Variants in MICU2 observed in about 807,000 individuals in gnomAD.
MICU2 encodes calcium uptake protein 2, mitochondrial.
In MICU2, 64 loss-of-function variants were observed where a neutral mutation model predicts 60.4. The ratio of observed to expected loss-of-function variants is 1.06; its 90% CI spans 0.87 to 1.31. The LOEUF is 1.31. MICU2 is among the 50% of genes most tolerant of loss of function. The pLI is 0.00. For synonymous variants in MICU2, 201 were observed against 175.0 expected (o/e 1.15, Z -1.17); for missense variants, 569 against 531.0 (o/e 1.07, Z -0.70).
chr13:21,595,314 C>T (rs902873678), intron 1 of MICU2, among the ~76,000 whole-genome samples: 3 of 152,188 alleles, frequency 2.0e-5, no homozygotes, highest in Non-Finnish European at 4.4e-5. Context: ...AGTGACACTG[C>T]AAGACAGCAG....
intron 1 of MICU2, among the ~76,000 whole-genome samples, chr13:21,601,434 G>A (rs1157533492): frequency 1.3e-5 from 2 of 152,186 alleles, no homozygotes; most frequent in Admixed American, 1.3e-4. Context: ...TAGCAGATCA[G>A]GCAAATGCTA....
At chr13:21,531,391 A>C in intron 4 of MICU2, 1 of 1,067,322 alleles carries the variant, frequency 9.4e-7, no homozygotes, top group East Asian at 2.4e-5. Context: ...AGGAGTTTAA[A>C]ACGAGAGTGG....
At chr13:21,550,033 C>T (rs570934025) in intron 2 of MICU2, among the ~76,000 whole-genome samples, 4 of 152,290 alleles carry the variant, frequency 2.6e-5, no homozygotes, top group South Asian at 2.1e-4. Context: ...AGGGCTAGCA[C>T]TGTTTTAGTT....
At chr13:21,510,587 A>G (rs887290753) in intron 7 of MICU2, among the ~76,000 whole-genome samples, 2 of 152,180 alleles carry the variant, frequency 1.3e-5, no homozygotes, top group African/African-American at 4.8e-5. Context: ...ACATTCTTCA[A>G]TTCTTTAATA....
intron 2 of MICU2, among the ~76,000 whole-genome samples, chr13:21,559,451 T>C (rs185420083): frequency 7.9e-5 from 12 of 152,304 alleles, no homozygotes; most frequent in Admixed American, 5.2e-4. Flanking sequence ...ATGGGATTTG[T>C]ATGTCAAAAG....
In MICU2 at chr13:21,514,386, C is replaced by T; in HGVS notation, c.630G>A (p.Leu210=). The T allele has an allele frequency of 6.2e-7, 1 of 1,613,540 alleles. No individual in the cohort carries two copies. The highest frequency in any genetic ancestry group is 8.5e-7 in the Non-Finnish European group (1 of 1,179,748). ...CAGTTTCATTAGTTTTCACTGTCAT[C>T]AAGTCATCTTGTTTACTTATGATCT... The part of the protein sequence containing the change: ...LQKIISKQDD[L]MTVKTNETGY... Residue 210 remains leucine (L), a synonymous_variant, in exon 7 of 12, where the codon TTG becomes TTA. Coordinates refer to ENST00000382374, the MANE Select transcript of MICU2 (RefSeq NM_152726.3).
intron 1 of MICU2, among the ~76,000 whole-genome samples, chr13:21,567,446 G>C (rs919299253): frequency 6.6e-5 from 10 of 152,144 alleles, no homozygotes; most frequent in African/African-American, 2.2e-4. Flanking sequence ...TTACCAGAGT[G>C]ACTGAGGAAA....
At chr13:21,550,492 C>T (rs1231281553) in intron 2 of MICU2, among the ~76,000 whole-genome samples, 4 of 152,166 alleles carry the variant, frequency 2.6e-5, no homozygotes, top group Admixed American at 6.5e-5. Flanking sequence ...GAGCTATGAT[C>T]GCACCACTGC....
In MICU2 at chr13:21,522,212, T is replaced by G. The variant is rs145163647; in HGVS notation, c.514+391A>C. On this transcript the variant is annotated intron_variant, in intron 5 of 11. Transcript: ENST00000382374. ...GGATTAAATATAAGATACCATGTTG[T>G]ATTTAGCTGTCATGTCTCCTGAGTC... is the stretch of plus-strand genomic sequence containing the variant. 1.3e-3 allele frequency among the ~76,000 whole-genome samples: 192 copies of G among 152,390 alleles called. 1 individual carries two copies. Among genetic ancestry groups the G allele is most frequent in the African/African-American group, 4.3e-3 (180 of 41,598 alleles).
At chr13:21,594,618 G>A (rs551171053) in intron 1 of MICU2, among the ~76,000 whole-genome samples, 1 of 152,260 alleles carries the variant, frequency 6.6e-6, no homozygotes, top group East Asian at 1.9e-4. Context: ...GCAAAGACAT[G>A]GAACAAACCC....
chr13:21,514,059 G>A (rs893729711), intron 7 of MICU2, among the ~76,000 whole-genome samples: 1 of 152,162 alleles, frequency 6.6e-6, no homozygotes, highest in Admixed American at 6.6e-5. Flanking sequence ...ATACAGTCAT[G>A]TATTGCTGAG....
chr13:21,566,530 G>A (rs1887986228), intron 2 of MICU2, among the ~76,000 whole-genome samples: 1 of 151,164 alleles, frequency 6.6e-6, no homozygotes. Context: ...TTATAACATG[G>A]ACAAAGTAAT....
intron 1 of MICU2, among the ~76,000 whole-genome samples, chr13:21,592,322 C>T (rs528056433): frequency 1.3e-5 from 2 of 152,152 alleles, no homozygotes; most frequent in Admixed American, 6.5e-5. Context: ...AAGAAGAAGT[C>T]GAATCCTTGA....
intron 1 of MICU2, among the ~76,000 whole-genome samples, chr13:21,601,657 T>C (rs1012492137): frequency 4.0e-5 from 6 of 150,968 alleles, no homozygotes; most frequent in African/African-American, 1.2e-4. Context: ...ATTAGATGGA[T>C]AAGTGAAATC....
chr13:21,496,063 G>A lies in MICU2; in HGVS notation c.1031C>T (p.Pro344Leu), dbSNP rs776367088. The A allele has an allele frequency of 6.2e-7, 1 of 1,612,382 alleles. No homozygotes were observed. The highest frequency in any genetic ancestry group is 8.5e-7 in the Non-Finnish European group (1 of 1,179,138). ...TTCATATAACTTACCTAGTCTGACA[G>A]GACGATGAGCTAAACTGAACATCTG... is the stretch of plus-strand genomic sequence containing the variant. The part of the protein sequence containing the change: ...AMQMFSLAHR[P>L]VRLAEFKRAV... Residue 344 changes from proline (P) to leucine (L), a missense_variant, in exon 10 of 12, where the codon CCT becomes CTT. Physicochemically the swap from Pro to Leu is moderately conservative, Grantham distance 98. Coordinates refer to ENST00000382374, the MANE Select transcript of MICU2 (RefSeq NM_152726.3).
At chr13:21,510,581 T>C (rs1025798250) in intron 7 of MICU2, among the ~76,000 whole-genome samples, 1 of 152,052 alleles carries the variant, frequency 6.6e-6, no homozygotes, top group African/African-American at 2.4e-5. Context: ...ATTCACACAT[T>C]CTTCAATTCT....
chr13:21,567,204 A>G (rs1183656046), intron 1 of MICU2, among the ~76,000 whole-genome samples: 2 of 152,248 alleles, frequency 1.3e-5, no homozygotes, highest in Admixed American at 1.3e-4. Flanking sequence ...GTAAAACGGT[A>G]AGAAGTACTA....
intron 8 of MICU2, 133 bp from the exon 9 acceptor site, chr13:21,503,230 T>G (rs1886222731): frequency 1.6e-6 from 1 of 642,484 alleles, no homozygotes; most frequent in South Asian, 2.0e-5. Flanking sequence ...GATGAAGCAT[T>G]AGTGCTGTGC....
intron 6 of MICU2, among the ~76,000 whole-genome samples, chr13:21,520,174 T>C (rs764462055): frequency 6.6e-6 from 1 of 152,218 alleles, no homozygotes; most frequent in African/African-American, 2.4e-5. Context: ...TAGTATTCTA[T>C]TGTATGGATC....
Sources: allele counts gnomAD v4.1 joint callset (sites outside exome capture counted in the v4.1 genomes callset), GRCh38; gene constraint gnomAD v4.1.1; transcripts MANE v1.5; gene names NCBI Gene and HGNC (gene_info 2026-07-23, HGNC 2026-07-21).